Variants in CD27 observed in about 807,000 individuals in gnomAD.
CD27 encodes the protein CD27 antigen.
A neutral mutation model predicts 25.9 loss-of-function variants in CD27; 16 were observed. The observed-to-expected ratio is 0.62, with a 90% CI of 0.42 to 0.94. The LOEUF is 0.94. Ranked by LOEUF, CD27 falls within the 40% of genes least tolerant of loss-of-function variation. The pLI is 0.00. For synonymous variants in CD27, 142 were observed against 124.3 expected (o/e 1.14, Z -0.95); for missense variants, 300 against 333.2 (o/e 0.90, Z 0.78).
rs1949525184 is a variant in CD27 at position 6,450,796 on chromosome 12, G to A, written c.539-99G>A. On this transcript the variant is annotated intron_variant, in intron 4 of 5. Coordinates refer to ENST00000266557, the MANE Select transcript of CD27 (RefSeq NM_001242.5). This position sits in a 1 kb window ranked among gnomAD's most constrained non-coding sequence, Gnocchi z 4.1. ...AACGGTGGCGGGTGGGATAGAATAA[G>A]GTGGGGGAAAGGGGAGAGGCAAGGT... is the stretch of plus-strand genomic sequence containing the variant. The A allele has an allele frequency of 6.5e-7, 1 of 1,547,798 alleles. No homozygotes were observed.
intron 2 of CD27, among the ~76,000 whole-genome samples, chr12:6,449,079 T>C (rs1949469875): frequency 6.6e-6 from 1 of 151,934 alleles, no homozygotes; most frequent in East Asian, 1.9e-4. Flanking sequence ...CACTGTAACC[T>C]CCACCTCCCG....
Position 6,450,471 on chromosome 12 carries a change from C to T in CD27, c.449-70C>T, listed in dbSNP as rs1949510925. On this transcript the variant is annotated intron_variant, in intron 3 of 5. Transcript: ENST00000266557. The surrounding 1 kb of genome is among the most constrained non-coding windows in gnomAD (Gnocchi z 4.1). ...GTTTCTGCCTTCCCATCCCATCCAG[C>T]ACCTCTCAGGCCTTCAGATGTGCCC... 6.5e-7 allele frequency: 1 copy of T among 1,546,216 alleles called. No individual in the cohort carries two copies.
In CD27 at chr12:6,451,702, C is replaced by T. The variant is rs537586025; in HGVS notation, c.*310C>T. On this transcript the variant is annotated 3_prime_UTR_variant, in exon 6 of 6. Transcript: ENST00000266557. ...CTACAAGACGGGCAAAATAAAGTGA[C>T]AGATGACCACCCTGCAGCTCTCCAG... The T allele has an allele frequency of 3.0e-6, 1 of 329,712 alleles. No individual in the cohort carries two copies. Among genetic ancestry groups the T allele is most frequent in the African/African-American group, 2.1e-5 (1 of 47,338 alleles). The allele number at this position is 329,712 out of a possible 1,614,324, so 20.4% of individuals were successfully genotyped here.
rs1307500060 is a variant in CD27 at position 6,444,976 on chromosome 12, C to G, written c.-120C>G. 1 of 1,180,222 alleles carries G rather than the reference C, an allele frequency of 8.5e-7. No individual in the cohort carries two copies. The highest frequency in any genetic ancestry group is 2.7e-5 in the East Asian group (1 of 36,644). The allele number at this position is 1,180,222 out of a possible 1,614,324, so 73.1% of individuals were successfully genotyped here. ...CTGCCTTCAAAGGTTGGCTTGCCAC[C>G]TGAAGCAGCCACTGCCCAGGGGGTG... On this transcript the variant is annotated 5_prime_UTR_variant, in exon 1 of 6. Transcript: ENST00000266557.
In CD27 at chr12:6,445,495, T is replaced by G; in HGVS notation, c.208T>G (p.Ser70Ala). ...GTGTGATCCTTGCATACCGGGGGTC[T>G]CCTTCTCTCCTGACCACCACACCCG... ...AQCDPCIPGV[S>A]FSPDHHTRPH... The change falls in exon 2 of 6, where the codon TCC (serine) becomes GCC (alanine). Residue 70 changes from serine to alanine, a missense_variant. Ser to Ala is a moderately conservative substitution (Grantham distance 99, BLOSUM62 1). Coordinates refer to ENST00000266557, the MANE Select transcript of CD27 (RefSeq NM_001242.5). This position sits in a 1 kb window ranked among gnomAD's most constrained non-coding sequence, Gnocchi z 4.5. 1 of 1,614,070 alleles carries G rather than the reference T, an allele frequency of 6.2e-7. No homozygotes were observed. Among genetic ancestry groups the G allele is most frequent in the Non-Finnish European group, 8.5e-7 (1 of 1,180,028 alleles).
At chr12:6,447,348 G>C (rs940751981) in intron 2 of CD27, 8 of 152,290 alleles carry the variant, frequency 5.3e-5, no homozygotes, top group African/African-American at 1.9e-4. Context: ...TTCCAAACTA[G>C]CCCAATCCAT....
At chr12:6,447,784 T>TG (rs2136963804) in intron 2 of CD27, 1 of 145,354 alleles carries the variant, frequency 6.9e-6, no homozygotes, top group South Asian at 2.2e-4. Context: ...CCCTCCTCCC[T>TG]CCCCACACCC....
chr12:6,446,112 G>C (rs1311759833), intron 2 of CD27, among the ~76,000 whole-genome samples: 2 of 152,110 alleles, frequency 1.3e-5, no homozygotes, highest in African/African-American at 4.8e-5. Flanking sequence ...TATGAATGCT[G>C]TTATTATTTC....
upstream of CD27, among the ~76,000 whole-genome samples, chr12:6,444,450 A>T (rs1592116840): frequency 6.6e-6 from 1 of 152,028 alleles, no homozygotes; most frequent in East Asian, 1.9e-4. Flanking sequence ...CAACTCCCCA[A>T]GGGTGTTTTG....
chr12:6,451,010 A>G lies in CD27; in HGVS notation c.654A>G (p.Arg218=). Residue 218 remains arginine, a synonymous_variant, in exon 5 of 6, where the codon AGA becomes AGG. Transcript: ENST00000266557. The part of the protein sequence containing the change: ...ALFLHQRRKY[R]SNKGESPVEP... ...TCCTCCATCAACGAAGGAAATATAG[A>G]TCAAGTAAGAGACAGAACACAGGCC... 6.2e-6 allele frequency: 10 copies of G among 1,614,044 alleles called. No individual in the cohort carries two copies. Among genetic ancestry groups the G allele is most frequent in the Non-Finnish European group, 8.5e-6 (10 of 1,179,978 alleles).
chr12:6,451,151 C>G, intron 5 of CD27, 117 bp from the exon 6 acceptor site: 4 of 1,530,112 alleles, frequency 2.6e-6, no homozygotes, highest in Non-Finnish European at 3.6e-6. Context: ...CTTCTCTCCC[C>G]TTAGCTGGCG....
intron 5 of CD27, 37 bp from the exon 6 acceptor site, chr12:6,451,231 C>A: frequency 1.9e-6 from 3 of 1,606,426 alleles, no homozygotes; most frequent in Non-Finnish European, 2.6e-6. Context: ...CCCCTGCCCC[C>A]ACTGCTGGCC....
intron 2 of CD27, chr12:6,448,071 G>C (rs1949447857): frequency 1.3e-5 from 2 of 152,300 alleles, no homozygotes; most frequent in South Asian, 4.1e-4. Flanking sequence ...CCAAATTCTA[G>C]TAGCAACTCA....
intron 2 of CD27, chr12:6,447,738 C>T (rs1035808839): frequency 1.3e-5 from 2 of 152,030 alleles, no homozygotes; most frequent in African/African-American, 2.4e-5. Flanking sequence ...CACCCATTAA[C>T]TCATCATTTA....
At chr12:6,444,827 C>G (rs1949388890), upstream of CD27, 1 of 378,106 alleles carries the variant, frequency 2.6e-6, no homozygotes. Context: ...TTGGAGGAAG[C>G]ATGTTTGAAG....
upstream of CD27, among the ~76,000 whole-genome samples, chr12:6,444,663 G>GT (rs141469322): frequency 0.068 from 5,721 of 83,698 alleles, 138 homozygotes; most frequent in East Asian, 0.16. Flanking sequence ...GGGGGGGTGG[G>GT]TGGGGGGGGG....
chr12:6,444,916 T>C, upstream of CD27: 2 of 616,698 alleles, frequency 3.2e-6, no homozygotes, highest in Non-Finnish European at 2.7e-6. Flanking sequence ...GTTGCTGCTA[T>C]GAGAGAGAAA....
At position 6,451,307 on chromosome 12, in the gene CD27, A is replaced by G. The variant is rs2532502; in HGVS notation, c.698A>G (p.His233Arg). The change falls in exon 6 of 6, where the codon CAT becomes CGT. Residue 233 changes from histidine (H) to arginine (R), a missense_variant. Coordinates refer to ENST00000266557, the MANE Select transcript of CD27 (RefSeq NM_001242.5). ...ESPVEPAEPC[H>R]YSCPREEEGS... ...CCTGTGGAGCCTGCAGAGCCTTGTC[A>G]TTACAGCTGCCCCAGGGAGGAGGAG... 1,599,056 of 1,614,090 alleles carry G rather than the reference A, an allele frequency of 0.99. 792,098 individuals carry two copies. The highest frequency in any genetic ancestry group is 1 in the East Asian group (44,873 of 44,874).
At position 6,451,530 on chromosome 12, in the gene CD27, G is replaced by A; in HGVS notation, c.*138G>A. On this transcript the variant is annotated 3_prime_UTR_variant, in exon 6 of 6. Transcript: ENST00000266557. Reference sequence around the variant, plus strand: ...GGCCCTTTCCTGTGTACACGTGACAGAGTGCCTTTTCGAGACTGGCAGGGA... The same window carrying A: ...GGCCCTTTCCTGTGTACACGTGACAAAGTGCCTTTTCGAGACTGGCAGGGA... The A allele has an allele frequency of 1.1e-6, 1 of 911,216 alleles. No individual in the cohort carries two copies. The highest frequency in any genetic ancestry group is 1.6e-6 in the Non-Finnish European group (1 of 614,386). 56.4% of individuals were successfully genotyped at this position (911,216 alleles called of 1,614,324 possible). A position where few individuals can be genotyped will look rare whatever the true frequency, so the allele number is the denominator to read the frequency against.
Sources: gnomAD v4.1 joint callset for allele counts (sites outside exome capture counted in the v4.1 genomes callset) on GRCh38, gnomAD v4.1.1 for gene constraint, Gnocchi (gnomAD v3.1) non-coding constraint, MANE v1.5 for transcripts, NCBI Gene and HGNC (gene_info 2026-07-23, HGNC 2026-07-21) for gene names.